Variants in FTO observed in about 807,000 individuals in gnomAD.
FTO encodes alpha-ketoglutarate-dependent dioxygenase FTO.
In FTO, 47 loss-of-function variants were observed where a neutral mutation model predicts 63.9. The ratio of observed to expected loss-of-function variants is 0.74; its 90% CI spans 0.58 to 0.94. The LOEUF is 0.94. Among genes scored for constraint, FTO ranks in the 40% least tolerant of loss-of-function variants. The probability of loss-of-function intolerance (pLI) is 0.00; values close to 1 mark genes in which losing one functional copy is unlikely to be tolerated. For missense variants in FTO, 562 were observed against 618.1 expected (o/e 0.91, Z 0.96); for synonymous variants, 207 against 224.4 (o/e 0.92, Z 0.69).
chr16:53,988,111 A>G (rs1281181304), intron 8 of FTO, among the ~76,000 whole-genome samples: 1 of 152,220 alleles, frequency 6.6e-6, no homozygotes, highest in Non-Finnish European at 1.5e-5. Flanking sequence ...CTAATGAGAC[A>G]CAAAATTTGG....
chr16:53,790,530 A>C (rs2077883312), intron 1 of FTO, among the ~76,000 whole-genome samples: 1 of 150,924 alleles, frequency 6.6e-6, no homozygotes, highest in African/African-American at 2.4e-5. Context: ...CAGCCTGGGC[A>C]ACAGAGTAAG....
At chr16:53,949,419 A>G (rs1443421119) in intron 8 of FTO, among the ~76,000 whole-genome samples, 2 of 152,252 alleles carry the variant, frequency 1.3e-5, no homozygotes, top group African/African-American at 2.4e-5. Context: ...TTTAAGAAAG[A>G]TAAAAAGGTA....
intron 1 of FTO, among the ~76,000 whole-genome samples, chr16:53,796,307 G>A (rs1221055932): frequency 2.0e-5 from 3 of 152,136 alleles, no homozygotes; most frequent in African/African-American, 7.2e-5. Context: ...GCCTCCCAAA[G>A]TGCCGGGACT....
rs368305027 is a variant in FTO, at chr16:54,109,270, C to T, written c.1365-2492C>T. Among the ~76,000 whole-genome samples, 208 of 152,340 alleles carry T rather than the reference C, an allele frequency of 1.4e-3. 1 individual carries two copies. The highest frequency in any genetic ancestry group is 0.014 in the Middle Eastern group (4 of 294). On this transcript the variant is annotated intron_variant, in intron 8 of 8. Transcript: ENST00000471389. ...AGATGGATGCAGTGACTATGTGCAG[C>T]TTGTCTGTCAGAGCTTGCATGCAAA...
intron 1 of FTO, among the ~76,000 whole-genome samples, chr16:53,754,272 C>T (rs1256498124): frequency 6.6e-6 from 1 of 152,214 alleles, no homozygotes; most frequent in East Asian, 1.9e-4. Flanking sequence ...GATTACAAAG[C>T]TACTTAATTA....
At chr16:53,984,945 A>G in intron 8 of FTO, 1 of 456,586 alleles carries the variant, frequency 2.2e-6, no homozygotes, top group Non-Finnish European at 4.4e-6. Context: ...CAGGGCAGAG[A>G]GGAGTGTTGG....
intron 8 of FTO, among the ~76,000 whole-genome samples, chr16:54,017,969 C>A (rs1331922446): frequency 6.6e-6 from 1 of 152,108 alleles, no homozygotes; most frequent in African/African-American, 2.4e-5. Flanking sequence ...ACCCCCTGGT[C>A]CCCCACCATG....
intron 1 of FTO, chr16:53,711,462 A>G (rs1379736949): frequency 2.5e-6 from 1 of 398,654 alleles, no homozygotes; most frequent in Non-Finnish European, 4.4e-6. Flanking sequence ...AAGGTAAGTA[A>G]GTACCAACAG....
intron 2 of FTO, among the ~76,000 whole-genome samples, chr16:53,812,050 C>T (rs1229867842): frequency 4.0e-5 from 6 of 149,874 alleles, no homozygotes; most frequent in African/African-American, 9.9e-5. Context: ...TGAGCTCAAG[C>T]GATCCACACA....
intron 8 of FTO, chr16:53,981,942 T>C (rs1454731599): frequency 1.3e-5 from 2 of 150,422 alleles, no homozygotes; most frequent in African/African-American, 2.4e-5. Context: ...TAGCTGGGCA[T>C]GGTGGCATAT....
chr16:53,879,310 C>T (rs533990875), intron 5 of FTO, among the ~76,000 whole-genome samples: 9 of 152,260 alleles, frequency 5.9e-5, no homozygotes, highest in African/African-American at 2.2e-4. Context: ...AACCAGCAAA[C>T]TAAGTGGCCC....
Position 54,116,371 on chromosome 16 carries a change from G to A in FTO, c.*4456G>A, listed in dbSNP as rs1349309947. The A allele has an allele frequency of 6.6e-5, 10 of 152,178 alleles. No individual in the cohort carries two copies. Among genetic ancestry groups the A allele is most frequent in the African/African-American group, 1.7e-4 (7 of 41,434 alleles). 9.4% of individuals were successfully genotyped at this position (152,178 alleles called of 1,614,324 possible). On this transcript the variant is annotated 3_prime_UTR_variant, in exon 9 of 9. Coordinates refer to ENST00000471389, the MANE Select transcript of FTO (RefSeq NM_001080432.3). ...GACAAGGGGATTCTGGTTTGAAAAG[G>A]CAATTCTCATCCAGACAGATTCAGA... is the stretch of plus-strand genomic sequence containing the variant.
At chr16:53,969,997 C>T (rs2083280368) in intron 8 of FTO, among the ~76,000 whole-genome samples, 1 of 152,112 alleles carries the variant, frequency 6.6e-6, no homozygotes, top group Non-Finnish European at 1.5e-5. Context: ...GAAAAGAGTG[C>T]ACCAGCAGAC....
intron 4 of FTO, among the ~76,000 whole-genome samples, chr16:53,871,960 C>T (rs1360096618): frequency 1.3e-5 from 2 of 152,120 alleles, no homozygotes; most frequent in African/African-American, 4.8e-5. Context: ...CTCCTGACCT[C>T]AGGTAATCCA....
rs116577111 is a variant in FTO at position 53,996,279 on chromosome 16, G to A, written c.1364+62170G>A. ...CTAACTGATTCAGTTACTTTTAGAA[G>A]GAAAAATAAAAGTGGAGACAGCATC... On this transcript the variant is annotated intron_variant, in intron 8 of 8. Coordinates refer to ENST00000471389, the MANE Select transcript of FTO (RefSeq NM_001080432.3). Among the ~76,000 whole-genome samples, 1,196 of 152,216 alleles carry A rather than the reference G, an allele frequency of 7.9e-3. 17 individuals carry two copies. Among genetic ancestry groups the A allele is most frequent in the African/African-American group, 0.027 (1,108 of 41,522 alleles).
intron 1 of FTO, among the ~76,000 whole-genome samples, chr16:53,773,563 C>G (rs558335178): frequency 1.3e-5 from 2 of 152,222 alleles, no homozygotes; most frequent in East Asian, 1.9e-4. Flanking sequence ...GAATTTCTCA[C>G]TAACAGGGGT....
At chr16:53,989,423 C>T (rs58687241) in intron 8 of FTO, among the ~76,000 whole-genome samples, 43,546 of 151,938 alleles carry the variant, frequency 0.29, 6,514 homozygotes, top group Admixed American at 0.34. Flanking sequence ...AGGGAGAGCA[C>T]TGGAGGCAGG....
chr16:53,982,822 A>G (rs1449669850), intron 8 of FTO, among the ~76,000 whole-genome samples: 1 of 152,214 alleles, frequency 6.6e-6, no homozygotes, highest in Non-Finnish European at 1.5e-5. Flanking sequence ...CAAATTACTT[A>G]AGGGCTTCTG....
intron 4 of FTO, among the ~76,000 whole-genome samples, chr16:53,867,546 T>C (rs1003427550): frequency 1.4e-4 from 21 of 151,902 alleles, no homozygotes; most frequent in African/African-American, 5.1e-4. Flanking sequence ...TACCTATGTA[T>C]GCTTATTTGT....
Sources: gnomAD v4.1 joint callset for allele counts (sites outside exome capture counted in the v4.1 genomes callset) on GRCh38, gnomAD v4.1.1 for gene constraint, MANE v1.5 for transcripts, NCBI Gene and HGNC (gene_info 2026-07-23, HGNC 2026-07-21) for gene names.